Variants in SKP1 observed in about 807,000 individuals in gnomAD.
SKP1 encodes S-phase kinase associated protein 1.
SKP1 carries 1 observed loss-of-function variant against 21.5 expected under a neutral mutation model. The ratio of observed to expected loss-of-function variants is 0.05; its 90% CI spans 0.02 to 0.22. SKP1 has a LOEUF of 0.22. SKP1 is among the 10% of genes least tolerant of loss of function. SKP1 has a pLI of 1.00. For missense variants in SKP1, 70 were observed against 192.0 expected (o/e 0.36, Z 3.76); for synonymous variants, 59 against 59.3 (o/e 0.99, Z 0.03).
chr5:134,167,971 G>A (rs894304102), intron 2 of SKP1, among the ~76,000 whole-genome samples: 6 of 152,166 alleles, frequency 3.9e-5, no homozygotes, highest in African/African-American at 1.4e-4. Context: ...ACCAAGGGAC[G>A]ACTATAACTT....
intron 1 of SKP1, 123 bp downstream of exon 1, chr5:134,176,732 G>A (rs371981277): frequency 2.8e-4 from 43 of 152,490 alleles, no homozygotes; most frequent in African/African-American, 9.4e-4. Flanking sequence ...GATCCACCGG[G>A]CCCGAAAGAA....
rs568503783 is a variant in SKP1, at chr5:134,160,281, T to C, written c.315+706A>G. 7.4e-4 allele frequency among the ~76,000 whole-genome samples: 113 copies of C among 152,010 alleles called. 1 individual carries two copies. Among genetic ancestry groups the C allele is most frequent in the Middle Eastern group, 3.4e-3 (1 of 294 alleles). On this transcript the variant is annotated intron_variant, in intron 4 of 5. Transcript: ENST00000353411. ...CTGAGGCAGGAGAATTGCTTGAACCTGGGAGGTGGAGGTTGCAGTGAGCCA... is the reference window on the plus strand; with the variant it reads ...CTGAGGCAGGAGAATTGCTTGAACCCGGGAGGTGGAGGTTGCAGTGAGCCA...
Position 134,157,704 on chromosome 5 carries a change from T to TA in SKP1, c.*28dup. 1 of 1,566,168 alleles carries TA rather than the reference T, an allele frequency of 6.4e-7. No individual in the cohort carries two copies. The highest frequency in any genetic ancestry group is 1.7e-5 in the Admixed American group (1 of 59,966). On this transcript the variant is annotated 3_prime_UTR_variant, in exon 6 of 6. Transcript: ENST00000353411. ...TGCAACTAGTATTTGGAACAATCCT[T>TA]ACAGTGTTACAGTGTCAGGCACAAC...
rs2149370832 is a variant in SKP1 at position 134,149,323 on chromosome 5, CT to C, written c.*8409del. 6.6e-6 allele frequency: 1 copy of C among 152,342 alleles called. No individual in the cohort carries two copies. Among genetic ancestry groups the C allele is most frequent in the Non-Finnish European group, 1.5e-5 (1 of 68,032 alleles). The allele number at this position is 152,342 out of a possible 1,614,324, so 9.4% of individuals were successfully genotyped here. A position where few individuals can be genotyped will look rare whatever the true frequency, so the allele number is the denominator to read the frequency against. On this transcript the variant is annotated 3_prime_UTR_variant, in exon 6 of 6. Transcript: ENST00000353411. ...TCACTGTTTAGCTCCCTACAACCCA[CT>C]TTTTACATGAGTTTCCACCAAGTAC...
chr5:134,149,000 G>C lies in SKP1; in HGVS notation c.*8733C>G, dbSNP rs1172584595. On this transcript the variant is annotated 3_prime_UTR_variant, in exon 6 of 6. Transcript: ENST00000353411. ...TTTTTAGATTATTTGTATACATTTA[G>C]GGGGTACAAATGCAGCTGTGTTACA... 1 of 152,182 alleles carries C rather than the reference G, an allele frequency of 6.6e-6. No individual in the cohort carries two copies. The highest frequency in any genetic ancestry group is 1.5e-5 in the Non-Finnish European group (1 of 68,028). 9.4% of individuals were successfully genotyped at this position (152,182 alleles called of 1,614,324 possible).
At chr5:134,176,737 A>G (rs1056760202) in intron 1 of SKP1, 118 bp downstream of exon 1, 1 of 152,346 alleles carries the variant, frequency 6.6e-6, no homozygotes, top group African/African-American at 2.4e-5. Context: ...ACCGGGCCCG[A>G]AAGAAGGCCA....
At chr5:134,161,196 C>A (rs2149373805) in intron 3 of SKP1, 66 bp from the exon 4 acceptor site, 1 of 1,348,248 alleles carries the variant, frequency 7.4e-7, no homozygotes. Flanking sequence ...ACTGCTGGGA[C>A]AACTTATCCC....
rs998602405 is a variant in SKP1, at chr5:134,150,542, C to T, written c.*7191G>A. On this transcript the variant is annotated 3_prime_UTR_variant, in exon 6 of 6. Transcript: ENST00000353411. ...TCAAAGTAGAATTTAAGACCCAAAT[C>T]TAGTTAATTGTATAAAAAGGCTAAG... 6.6e-6 allele frequency: 1 copy of T among 152,196 alleles called. No homozygotes were observed. Among genetic ancestry groups the T allele is most frequent in the Non-Finnish European group, 1.5e-5 (1 of 68,030 alleles). The allele number at this position is 152,196 out of a possible 1,614,324, so 9.4% of individuals were successfully genotyped here. A position where few individuals can be genotyped will look rare whatever the true frequency, so the allele number is the denominator to read the frequency against.
intron 1 of SKP1, 84 bp from the exon 2 acceptor site, chr5:134,174,106 C>G (rs964145727): frequency 4.8e-6 from 4 of 836,958 alleles, no homozygotes; most frequent in African/African-American, 3.4e-5. Flanking sequence ...TCAGAAGGCT[C>G]TAACTTATTG....
At chr5:134,160,891 T>TTAC in intron 4 of SKP1, 96 bp downstream of exon 4, 1 of 763,810 alleles carries the variant, frequency 1.3e-6, no homozygotes, top group Non-Finnish European at 2.1e-6. Flanking sequence ...ATTTAGAGAG[T>TTAC]ATTAAAATTC....
intron 3 of SKP1, among the ~76,000 whole-genome samples, chr5:134,163,468 T>C (rs900280428): frequency 4.7e-5 from 7 of 150,408 alleles, no homozygotes; most frequent in Admixed American, 2.7e-4. Context: ...ATATGATATA[T>C]ATTCAATACA....
chr5:134,160,966 T>C, intron 4 of SKP1, 21 bp downstream of exon 4: 2 of 1,586,060 alleles, frequency 1.3e-6, no homozygotes. Flanking sequence ...AGTAGAGCTA[T>C]CTTACACATT....
At chr5:134,161,224 T>C in intron 3 of SKP1, 94 bp from the exon 4 acceptor site, 2 of 1,107,756 alleles carry the variant, frequency 1.8e-6, no homozygotes, top group Non-Finnish European at 2.5e-6. Context: ...GAATAATAAC[T>C]AGCTAGAGGT....
In SKP1 at chr5:134,151,677, T is replaced by C. The variant is rs191156943; in HGVS notation, c.*6056A>G. 2.8e-5 allele frequency: 13 copies of C among 456,176 alleles called. No homozygotes were observed. In the East Asian group the frequency reaches 4.2e-4, roughly 15 times the overall value. The allele number at this position is 456,176 out of a possible 1,614,324, so 28.3% of individuals were successfully genotyped here. On this transcript the variant is annotated 3_prime_UTR_variant, in exon 6 of 6. Transcript: ENST00000353411. The stretch of plus-strand genomic sequence containing the variant: ...CCAGAAAATTTAAAGTTGACAGATA[T>C]CAGAAGGTCGCAAGAACTACAGATG...
At chr5:134,167,989 A>G (rs1761365546) in intron 2 of SKP1, among the ~76,000 whole-genome samples, 2 of 152,240 alleles carry the variant, frequency 1.3e-5, no homozygotes, top group Admixed American at 1.3e-4. Context: ...CTTATAAGAC[A>G]TGTCTGAAAG....
In SKP1 at chr5:134,154,635, T is replaced by G. The variant is rs772387649; in HGVS notation, c.*3098A>C. 7.9e-5 allele frequency: 12 copies of G among 152,130 alleles called. No individual in the cohort carries two copies. Among genetic ancestry groups the G allele is most frequent in the Non-Finnish European group, 1.5e-4 (10 of 67,990 alleles). 9.4% of individuals were successfully genotyped at this position (152,130 alleles called of 1,614,324 possible). ...CTGCCATGGAGTCCTTGAAAGGACT[T>G]CATCATTAAAAGCAGCACACTGCAG... On this transcript the variant is annotated 3_prime_UTR_variant, in exon 6 of 6. Coordinates refer to ENST00000353411, the MANE Select transcript of SKP1 (RefSeq NM_170679.3).
At chr5:134,159,736 A>C (rs904821779) in intron 4 of SKP1, among the ~76,000 whole-genome samples, 3 of 151,972 alleles carry the variant, frequency 2.0e-5, no homozygotes, top group African/African-American at 7.2e-5. Context: ...TTCAGTAGAG[A>C]CGGGGTTTCA....
intron 2 of SKP1, among the ~76,000 whole-genome samples, chr5:134,172,409 C>G (rs966521916): frequency 9.9e-5 from 15 of 152,090 alleles, no homozygotes; most frequent in Admixed American, 9.2e-4. Context: ...TTCATCAATT[C>G]CAGACACTGA....
At chr5:134,166,366 A>G (rs191607845) in intron 3 of SKP1, among the ~76,000 whole-genome samples, 67 of 151,904 alleles carry the variant, frequency 4.4e-4, no homozygotes, top group African/African-American at 1.6e-3. Flanking sequence ...GCAGATCATG[A>G]GGTCAAGAGA....
Sources: allele counts gnomAD v4.1 joint callset (sites outside exome capture counted in the v4.1 genomes callset), GRCh38; gene constraint gnomAD v4.1.1; transcripts MANE v1.5; gene names NCBI Gene and HGNC (gene_info 2026-07-23, HGNC 2026-07-21).